Variants in BMPR1A observed in about 807,000 individuals in gnomAD.
BMPR1A encodes the protein bone morphogenetic protein receptor type 1A.
BMPR1A carries 7 observed loss-of-function variants against 66.0 expected under a neutral mutation model. The ratio of observed to expected loss-of-function variants is 0.11; its 90% CI spans 0.06 to 0.20. The LOEUF (loss-of-function observed/expected upper bound fraction) is 0.20. Ranked by LOEUF, BMPR1A falls within the 10% of genes least tolerant of loss-of-function variation. The pLI is 1.00. For missense variants in BMPR1A, 408 were observed against 669.1 expected (o/e 0.61, Z 4.31); for synonymous variants, 200 against 229.7 (o/e 0.87, Z 1.17).
intron 1 of BMPR1A, among the ~76,000 whole-genome samples, chr10:86,829,972 A>G (rs1842245702): frequency 6.6e-6 from 1 of 152,178 alleles, no homozygotes; most frequent in Non-Finnish European, 1.5e-5. Flanking sequence ...GAAGGAAGAC[A>G]TTATTCAGGA....
intron 1 of BMPR1A, among the ~76,000 whole-genome samples, chr10:86,805,377 T>TACACACACAC (rs60828047): frequency 0.051 from 7,338 of 142,934 alleles, 190 homozygotes; most frequent in East Asian, 0.084. Context: ...CTCCTACCTG[T>TACACACACAC]ACACACACAC....
intron 1 of BMPR1A, among the ~76,000 whole-genome samples, chr10:86,830,316 A>G (rs568070161): frequency 3.9e-5 from 6 of 152,346 alleles, no homozygotes; most frequent in Admixed American, 1.3e-4. Flanking sequence ...AGGAATTTAC[A>G]AGGAAGTACA....
intron 1 of BMPR1A, among the ~76,000 whole-genome samples, chr10:86,804,790 GTGT>G (rs1339154678): frequency 9.4e-4 from 92 of 97,536 alleles, no homozygotes; most frequent in South Asian, 5.4e-3. Flanking sequence ...ATGTTTGTAG[GTGT>G]TTTTTTTTTT....
chr10:86,920,942 G>A (rs542840245), intron 10 of BMPR1A, among the ~76,000 whole-genome samples: 1 of 143,452 alleles, frequency 7.0e-6, no homozygotes, highest in African/African-American at 2.6e-5. Context: ...TGCAGTCTCC[G>A]CCTCCCAGGT....
chr10:86,900,231 G>A (rs983102800), intron 7 of BMPR1A, 105 bp downstream of exon 7: 15 of 1,090,550 alleles, frequency 1.4e-5, no homozygotes, highest in Non-Finnish European at 2.0e-5. Flanking sequence ...TTCTCTGGTT[G>A]TATATCTCCT....
At chr10:86,856,357 C>G (rs7894198) in intron 2 of BMPR1A, 40,789 of 377,170 alleles carry the variant, frequency 0.11, 2,736 homozygotes, top group African/African-American at 0.22. Context: ...AGAGAGTAGT[C>G]TGCGGGTCTG....
intron 3 of BMPR1A, among the ~76,000 whole-genome samples, chr10:86,887,887 G>T (rs991333148): frequency 3.3e-5 from 5 of 152,144 alleles, no homozygotes; most frequent in Admixed American, 2.6e-4. Context: ...ATCCAGCTAG[G>T]TAAAGCGGGG....
At chr10:86,912,072 G>C (rs1843497972) in intron 7 of BMPR1A, among the ~76,000 whole-genome samples, 168 bp from the exon 8 acceptor site, 2 of 152,014 alleles carry the variant, frequency 1.3e-5, no homozygotes, top group South Asian at 2.1e-4. Context: ...ATAGAACTCT[G>C]AACTCCATTT....
chr10:86,892,268 G>A (rs768690540), intron 5 of BMPR1A, 39 bp downstream of exon 5: 1 of 1,519,710 alleles, frequency 6.6e-7, no homozygotes, highest in South Asian at 1.1e-5. Flanking sequence ...AAAGAAGGGA[G>A]GGGCCATATG....
rs114149423 is a variant in BMPR1A at position 86,813,724 on chromosome 10, G to A, written c.-267-25141G>A. 4.4e-3 allele frequency among the ~76,000 whole-genome samples: 662 copies of A among 152,054 alleles called. 9 individuals are homozygous for A. The highest frequency in any genetic ancestry group is 0.015 in the African/African-American group (626 of 41,454). On this transcript the variant is annotated intron_variant, in intron 1 of 12. Coordinates refer to ENST00000372037, the MANE Select transcript of BMPR1A (RefSeq NM_004329.3). ...CCATTAGAACGCACACCCATTATGC[G>A]CCCTTGTATTCTGTTCCTCTTCGTC...
Position 86,890,044 on chromosome 10 carries a change from T to C in BMPR1A, c.68-18T>C, listed in dbSNP as rs1057521738. 6.2e-7 allele frequency: 1 copy of C among 1,611,782 alleles called. No homozygotes were observed. The highest frequency in any genetic ancestry group is 8.5e-7 in the Non-Finnish European group (1 of 1,179,654). On this transcript the variant is annotated intron_variant, in intron 3 of 12. Transcript: ENST00000372037. ...TTTTCAGAAATGATTTACTTACAAA[T>C]TCCATATTTGAATGCAGGACAGAAT...
chr10:86,911,154 C>CAA (rs35449069), intron 7 of BMPR1A, among the ~76,000 whole-genome samples: 2,363 of 81,478 alleles, frequency 0.029, 54 homozygotes, highest in South Asian at 0.084. Flanking sequence ...GACCCTGTCT[C>CAA]AAAAAAAAAA....
At chr10:86,801,534 T>TCATTA (rs2132864719) in intron 1 of BMPR1A, among the ~76,000 whole-genome samples, 1 of 152,304 alleles carries the variant, frequency 6.6e-6, no homozygotes, top group South Asian at 2.1e-4. Flanking sequence ...TCTTCTTTAG[T>TCATTA]CATTACCCCT....
chr10:86,799,485 C>T (rs1017858706), intron 1 of BMPR1A, among the ~76,000 whole-genome samples: 1 of 116,602 alleles, frequency 8.6e-6, no homozygotes, highest in African/African-American at 3.7e-5. Flanking sequence ...TTCCTTCCTT[C>T]CTTCCTTCCT....
chr10:86,836,900 G>A lies in BMPR1A; in HGVS notation c.-267-1965G>A, dbSNP rs575717126. 1.3e-4 allele frequency among the ~76,000 whole-genome samples: 20 copies of A among 152,164 alleles called. No individual in the cohort carries two copies. The South Asian group carries it at 2.7e-3, about 21-fold the overall frequency. Reference sequence around the variant, plus strand: ...GTGAGCTGTGATTGTGCCACTATACGCCAGCCTGGGTAATGGAGCCAGAGC... The same window carrying A: ...GTGAGCTGTGATTGTGCCACTATACACCAGCCTGGGTAATGGAGCCAGAGC... On this transcript the variant is annotated intron_variant, in intron 1 of 12. Transcript: ENST00000372037.
chr10:86,870,300 T>C (rs1252681498), intron 2 of BMPR1A, among the ~76,000 whole-genome samples: 1 of 152,220 alleles, frequency 6.6e-6, no homozygotes, highest in East Asian at 1.9e-4. Flanking sequence ...TTTGATCTCT[T>C]CACTCCTGTC....
chr10:86,784,865 C>T (rs986252516), intron 1 of BMPR1A, among the ~76,000 whole-genome samples: 1 of 151,862 alleles, frequency 6.6e-6, no homozygotes, highest in Admixed American at 6.6e-5. Context: ...TCTTTCATTT[C>T]TGATTTTAAT....
chr10:86,907,730 C>G lies in BMPR1A; in HGVS notation c.531-4510C>G, dbSNP rs200760196. On this transcript the variant is annotated intron_variant, in intron 7 of 12. Transcript: ENST00000372037. ...ATAAGCCAGTCATAGACAAATATTA[C>G]ATGTTCTCAATCATACGTGGGAGCT... Among the ~76,000 whole-genome samples, 22 of 152,252 alleles carry G rather than the reference C, an allele frequency of 1.4e-4. No homozygotes were observed. In the East Asian group the frequency reaches 3.9e-3, roughly 27 times the overall value.
chr10:86,800,909 G>T (rs772686819), intron 1 of BMPR1A, among the ~76,000 whole-genome samples: 8 of 152,202 alleles, frequency 5.3e-5, no homozygotes, highest in Non-Finnish European at 8.8e-5. Flanking sequence ...AAAATTAGTA[G>T]TGCCGCTGTG....
Sources: gnomAD v4.1 joint callset for allele counts (sites outside exome capture counted in the v4.1 genomes callset) on GRCh38, gnomAD v4.1.1 for gene constraint, MANE v1.5 for transcripts, NCBI Gene and HGNC (gene_info 2026-07-23, HGNC 2026-07-21) for gene names.